SLC6A11: variants seen among roughly 807,000 people sequenced by gnomAD.
SLC6A11 encodes solute carrier family 6 member 11.
Under a neutral mutation model 74.8 loss-of-function variants are expected in SLC6A11, and 25 were observed. The observed-to-expected ratio is 0.33, with a 90% confidence interval of 0.24 to 0.47. The LOEUF (loss-of-function observed/expected upper bound fraction) is 0.47. Ranked by LOEUF, SLC6A11 falls within the 20% of genes least tolerant of loss-of-function variation. The pLI is 1.00. For missense variants in SLC6A11, 574 were observed against 837.0 expected (o/e 0.69, Z 3.88); for synonymous variants, 330 against 330.2 (o/e 1.00, Z 0.01).
rs1488026836 is a variant in SLC6A11 at position 10,816,338 on chromosome 3, G to A, written c.73G>A (p.Gly25Ser). The A allele has an allele frequency of 1.4e-6, 2 of 1,421,290 alleles. No individual in the cohort carries two copies. The highest frequency in any genetic ancestry group is 1.5e-5 in the African/African-American group (1 of 65,842). The allele number at this position is 1,421,290 out of a possible 1,614,324, so 88.0% of individuals were successfully genotyped here. A position where few individuals can be genotyped will look rare whatever the true frequency, so the allele number is the denominator to read the frequency against. The change falls in exon 1 of 14, where the codon GGT becomes AGT. Residue 25 changes from glycine (G) to serine (S), a missense_variant. By Grantham distance (56) the Gly-to-Ser change is moderately conservative (BLOSUM62 0). Transcript: ENST00000254488. This position sits in a 1 kb window ranked among gnomAD's most constrained non-coding sequence, Gnocchi z 4.2. Reference protein sequence around the residue: ...AEEARESEAPGGGCSSGGAAP... With the variant: ...AEEARESEAPSGGCSSGGAAP... ...GGAGGCGCGGGAGTCCGAGGCGCCG[G>A]GTGGCGGCTGCAGCAGCGGGGGCGC...
chr3:10,882,564 C>T (rs1327280070), intron 6 of SLC6A11, among the ~76,000 whole-genome samples: 1 of 152,162 alleles, frequency 6.6e-6, no homozygotes. Context: ...CCCTGCAACA[C>T]AGGAAGGGCT....
At chr3:10,828,494 T>G (rs1415774210) in intron 4 of SLC6A11, among the ~76,000 whole-genome samples, 2 of 152,172 alleles carry the variant, frequency 1.3e-5, no homozygotes, top group African/African-American at 4.8e-5. Flanking sequence ...GGTTGGTTCT[T>G]TCTGTGGGAC....
intron 8 of SLC6A11, among the ~76,000 whole-genome samples, chr3:10,925,613 G>T (rs1695593705): frequency 6.6e-6 from 1 of 152,162 alleles, no homozygotes; most frequent in African/African-American, 2.4e-5. Context: ...ACAACCACTG[G>T]GTACCTGGTC....
chr3:10,923,767 G>A (rs1281101350), intron 8 of SLC6A11, among the ~76,000 whole-genome samples: 6 of 152,106 alleles, frequency 3.9e-5, no homozygotes, highest in African/African-American at 1.4e-4. Flanking sequence ...AAGAGAAAAA[G>A]AGTAATGTTA....
At chr3:10,895,923 G>C (rs1189815853) in intron 6 of SLC6A11, among the ~76,000 whole-genome samples, 2 of 152,188 alleles carry the variant, frequency 1.3e-5, no homozygotes, top group Non-Finnish European at 2.9e-5. Flanking sequence ...ATGTGCAGGT[G>C]ATGCTCATGT....
intron 5 of SLC6A11, among the ~76,000 whole-genome samples, chr3:10,864,513 A>G (rs543867560): frequency 5.3e-5 from 8 of 151,800 alleles, no homozygotes; most frequent in African/African-American, 1.7e-4. Context: ...GACCTTGGCT[A>G]CTCTTGAAAG....
chr3:10,870,185 C>T (rs899226312), intron 5 of SLC6A11, among the ~76,000 whole-genome samples: 7 of 152,186 alleles, frequency 4.6e-5, no homozygotes, highest in Non-Finnish European at 1.0e-4. Flanking sequence ...ACCTTCCCAA[C>T]CTGTCTCCAT....
In SLC6A11 at chr3:10,935,927, A is replaced by G. The variant is rs374012680; in HGVS notation, c.1746+728A>G. 2.3e-4 allele frequency among the ~76,000 whole-genome samples: 35 copies of G among 151,834 alleles called. No homozygotes were observed. In the East Asian group the frequency reaches 2.7e-3, roughly 12 times the overall value. On this transcript the variant is annotated intron_variant, in intron 13 of 13. Transcript: ENST00000254488. Reference sequence around the variant, plus strand: ...GTTAACCCCTGTTCCACCCCCAGACAACCACAGATCTGCTCTGTCTCTGTG... The same window carrying G: ...GTTAACCCCTGTTCCACCCCCAGACGACCACAGATCTGCTCTGTCTCTGTG...
At chr3:10,860,520 G>A (rs1575679197) in intron 5 of SLC6A11, among the ~76,000 whole-genome samples, 1 of 152,206 alleles carries the variant, frequency 6.6e-6, no homozygotes, top group Non-Finnish European at 1.5e-5. Flanking sequence ...GAGAGGAAGA[G>A]GAAGCTGAAG....
chr3:10,909,593 C>T (rs1242828012), intron 6 of SLC6A11, among the ~76,000 whole-genome samples: 1 of 152,164 alleles, frequency 6.6e-6, no homozygotes, highest in African/African-American at 2.4e-5. Flanking sequence ...CACTCTGGCC[C>T]AGAACAGTGA....
At chr3:10,930,717 G>A (rs1328128375) in intron 10 of SLC6A11, among the ~76,000 whole-genome samples, 1 of 152,094 alleles carries the variant, frequency 6.6e-6, no homozygotes, top group Admixed American at 6.5e-5. Flanking sequence ...TCAGCTGCTT[G>A]GAGAAGGCAG....
chr3:10,906,494 CCATAAAGCT>C (rs1222725252), intron 6 of SLC6A11, among the ~76,000 whole-genome samples: 3 of 152,124 alleles, frequency 2.0e-5, no homozygotes, highest in Non-Finnish European at 4.4e-5. Context: ...ACCAGGAAAC[CCATAAAGCT>C]CTAACATGTA....
intron 6 of SLC6A11, among the ~76,000 whole-genome samples, chr3:10,889,899 GGA>G (rs148995401): frequency 4.6e-5 from 7 of 151,426 alleles, no homozygotes; most frequent in South Asian, 2.1e-4. Flanking sequence ...ATGCCAGGGG[GGA>G]GAGAGAGAGA....
chr3:10,817,720 G>A (rs1380678354), intron 1 of SLC6A11, among the ~76,000 whole-genome samples: 1 of 152,174 alleles, frequency 6.6e-6, no homozygotes, highest in Non-Finnish European at 1.5e-5. Context: ...CTTGGCCCAG[G>A]CCCTTTCTTT....
intron 5 of SLC6A11, among the ~76,000 whole-genome samples, chr3:10,858,244 A>G (rs1336120965): frequency 6.6e-6 from 1 of 152,242 alleles, no homozygotes; most frequent in Non-Finnish European, 1.5e-5. Context: ...CTCAATTTAC[A>G]TGGTAATTGC....
rs78685656 is a variant in SLC6A11 at position 10,894,618 on chromosome 3, G to C, written c.892-17472G>C. 1.9e-3 allele frequency among the ~76,000 whole-genome samples: 288 copies of C among 152,348 alleles called. 10 individuals are homozygous for C. The East Asian group carries it at 0.05, about 26-fold the overall frequency. ...GTCAAACTCACAGAAGCAGAGAGTA[G>C]AATGGTGGTTCCCAGGGACTGGGTG... On this transcript the variant is annotated intron_variant, in intron 6 of 13. Coordinates refer to ENST00000254488, the MANE Select transcript of SLC6A11 (RefSeq NM_014229.3).
At chr3:10,855,364 A>G (rs909124902) in intron 5 of SLC6A11, among the ~76,000 whole-genome samples, 2 of 152,220 alleles carry the variant, frequency 1.3e-5, no homozygotes, top group African/African-American at 2.4e-5. Context: ...AATACTGTAC[A>G]GACCCAGATT....
At chr3:10,888,283 T>C (rs1695068075) in intron 6 of SLC6A11, among the ~76,000 whole-genome samples, 1 of 152,218 alleles carries the variant, frequency 6.6e-6, no homozygotes, top group Non-Finnish European at 1.5e-5. Flanking sequence ...AAGCACATTA[T>C]AGCTGTTTAG....
intron 5 of SLC6A11, among the ~76,000 whole-genome samples, chr3:10,871,546 G>A (rs755540894): frequency 2.0e-5 from 3 of 152,082 alleles, no homozygotes; most frequent in African/African-American, 7.2e-5. Context: ...TTGGTTGGGG[G>A]GGAGGGGGTG....
Sources: gnomAD v4.1 joint callset for allele counts (sites outside exome capture counted in the v4.1 genomes callset) on GRCh38, gnomAD v4.1.1 for gene constraint, Gnocchi (gnomAD v3.1) non-coding constraint, MANE v1.5 for transcripts, NCBI Gene and HGNC (gene_info 2026-07-23, HGNC 2026-07-21) for gene names.